The following CTNNA2 variants were observed in gnomAD, a reference collection of about 807,000 sequenced individuals.
The protein encoded by CTNNA2 is catenin alpha-2.
A neutral mutation model predicts 101.0 loss-of-function variants in CTNNA2; 42 were observed. The ratio of observed to expected loss-of-function variants is 0.42; its 90% CI spans 0.32 to 0.54. CTNNA2 has a LOEUF of 0.54. CTNNA2 is among the 20% of genes least tolerant of loss of function. The pLI, the probability that CTNNA2 is intolerant of heterozygous loss-of-function variation, is 0.14. For synonymous variants in CTNNA2, 450 were observed against 456.4 expected (o/e 0.99, Z 0.18); for missense variants, 871 against 1,223.1 (o/e 0.71, Z 4.29).
chr2:79,803,510 G>A (rs1676328658), intron 3 of CTNNA2, among the ~76,000 whole-genome samples: 1 of 152,260 alleles, frequency 6.6e-6, no homozygotes, highest in African/African-American at 2.4e-5. Context: ...GCAGGGACAC[G>A]CTCTTAAGGC....
In CTNNA2 at chr2:79,996,626, A is replaced by G. The variant is rs117037368; in HGVS notation, c.1056+86829A>G. ...TGTAGAGCACTTGAGCACTTATACAAAGGAGAGATTTTATTCACTTAGCCA... is the reference window on the plus strand; with the variant it reads ...TGTAGAGCACTTGAGCACTTATACAGAGGAGAGATTTTATTCACTTAGCCA... On this transcript the variant is annotated intron_variant, in intron 7 of 18. Transcript: ENST00000402739. Among the ~76,000 whole-genome samples, 210 of 152,288 alleles carry G rather than the reference A, an allele frequency of 1.4e-3. 2 individuals carry two copies. In the East Asian group the frequency reaches 0.038, roughly 28 times the overall value.
intron 4 of CTNNA2, among the ~76,000 whole-genome samples, chr2:79,413,964 T>C (rs1463541682): frequency 8.8e-5 from 9 of 101,736 alleles, no homozygotes; most frequent in East Asian, 3.4e-4. Flanking sequence ...TATATATATA[T>C]ATATATATAA....
In CTNNA2 at chr2:80,260,335, A is replaced by G. The variant is rs538471707; in HGVS notation, c.1057-132876A>G. 7.5e-4 allele frequency among the ~76,000 whole-genome samples: 115 copies of G among 152,334 alleles called. 1 individual carries two copies. Among genetic ancestry groups the G allele is most frequent in the African/African-American group, 2.6e-3 (109 of 41,578 alleles). ...GGGTCAGCTAAAGTGTATATTTTGT[A>G]GAAGTTGCTCATGGAGCCATGGCAC... On this transcript the variant is annotated intron_variant, in intron 7 of 18. Coordinates refer to ENST00000402739, the MANE Select transcript of CTNNA2 (RefSeq NM_001282597.3).
chr2:79,572,631 A>T (rs1227168120), intron 1 of CTNNA2, among the ~76,000 whole-genome samples: 3 of 152,200 alleles, frequency 2.0e-5, no homozygotes, highest in African/African-American at 4.8e-5. Context: ...CCACGCCTGT[A>T]GTCCCAGCTA....
chr2:80,232,588 G>A (rs923321200), intron 7 of CTNNA2, among the ~76,000 whole-genome samples: 1 of 151,936 alleles, frequency 6.6e-6, no homozygotes, highest in African/African-American at 2.4e-5. Context: ...TGGAATGTTG[G>A]ATGGATTGCA....
At chr2:80,470,967 G>A (rs1284097703) in intron 9 of CTNNA2, among the ~76,000 whole-genome samples, 1 of 152,158 alleles carries the variant, frequency 6.6e-6, no homozygotes, top group Non-Finnish European at 1.5e-5. Flanking sequence ...AGACTGGAGT[G>A]GAGGGGGGTT....
chr2:79,992,515 C>T (rs1035374532), intron 7 of CTNNA2, among the ~76,000 whole-genome samples: 1 of 151,998 alleles, frequency 6.6e-6, no homozygotes, highest in African/African-American at 2.4e-5. Context: ...GTATAACTTC[C>T]TTGTCTTAGT....
intron 7 of CTNNA2, among the ~76,000 whole-genome samples, chr2:80,244,961 G>T (rs1019946033): frequency 6.6e-6 from 1 of 152,258 alleles, no homozygotes; most frequent in Non-Finnish European, 1.5e-5. Context: ...CCAAAAACTA[G>T]TTTATGTGCA....
At chr2:80,420,666 C>T (rs1218383115) in intron 9 of CTNNA2, among the ~76,000 whole-genome samples, 3 of 151,650 alleles carry the variant, frequency 2.0e-5, no homozygotes, top group Non-Finnish European at 4.4e-5. Context: ...GGGTGGTGTT[C>T]GATTTAGTTG....
chr2:79,340,557 G>C (rs561719135), intron 3 of CTNNA2, among the ~76,000 whole-genome samples: 98 of 152,278 alleles, frequency 6.4e-4, no homozygotes, highest in African/African-American at 2.3e-3. Context: ...CATGAGGCCG[G>C]GCGTGGTGGC....
At chr2:79,238,525 T>C (rs1038761591) in intron 2 of CTNNA2, among the ~76,000 whole-genome samples, 4 of 152,196 alleles carry the variant, frequency 2.6e-5, no homozygotes, top group African/African-American at 9.7e-5. Flanking sequence ...TGATTCAGGA[T>C]TGCCATAAGC....
intron 2 of CTNNA2, among the ~76,000 whole-genome samples, chr2:79,658,312 C>A (rs1681765496): frequency 6.6e-6 from 1 of 151,838 alleles, no homozygotes; most frequent in Admixed American, 6.6e-5. Flanking sequence ...ATAATAATTT[C>A]TACATCATAA....
chr2:80,278,679 A>G (rs1325885521), intron 7 of CTNNA2, among the ~76,000 whole-genome samples: 1 of 152,076 alleles, frequency 6.6e-6, no homozygotes, highest in Non-Finnish European at 1.5e-5. Flanking sequence ...ATTAAAGGAG[A>G]GAGAAAGAAT....
In CTNNA2 at chr2:79,521,138, AT is replaced by A. The variant is rs1672090964; in HGVS notation, c.-6+7932del. ...TATATATATATATATATATATATAT[AT>A]ATATATATATATATATATATATATA... is the stretch of plus-strand genomic sequence containing the variant. On this transcript the variant is annotated intron_variant, in intron 1 of 18. Coordinates refer to ENST00000402739, the MANE Select transcript of CTNNA2 (RefSeq NM_001282597.3). Among the ~76,000 whole-genome samples, 9 of 24,296 alleles carry A rather than the reference AT, an allele frequency of 3.7e-4. 1 individual carries two copies. Among genetic ancestry groups the A allele is most frequent in the African/African-American group, 1.5e-3 (9 of 5,860 alleles). The allele number at this position is 24,296 out of a possible 152,430, so 15.9% of individuals were successfully genotyped here. A position where few individuals can be genotyped will look rare whatever the true frequency, so the allele number is the denominator to read the frequency against.
intron 7 of CTNNA2, among the ~76,000 whole-genome samples, chr2:80,100,892 AT>A (rs373462351): frequency 1.3e-5 from 2 of 152,292 alleles, no homozygotes; most frequent in African/African-American, 4.8e-5. Context: ...AGCAAAGATC[AT>A]TTTTCCCTCT....
intron 9 of CTNNA2, among the ~76,000 whole-genome samples, chr2:80,506,122 C>T (rs1688257647): frequency 6.6e-6 from 1 of 152,192 alleles, no homozygotes. Flanking sequence ...AGTGCATGAG[C>T]TATTTTCTGA....
intron 4 of CTNNA2, among the ~76,000 whole-genome samples, chr2:79,462,598 A>G (rs756167360): frequency 8.5e-5 from 13 of 152,242 alleles, no homozygotes; most frequent in Non-Finnish European, 1.8e-4. Flanking sequence ...AGTATAGGAA[A>G]TGTGTCTGTT....
intron 7 of CTNNA2, among the ~76,000 whole-genome samples, chr2:80,070,221 A>T (rs1698240111): frequency 6.6e-6 from 1 of 152,166 alleles, no homozygotes; most frequent in Admixed American, 6.5e-5. Context: ...TTTCCTGAAA[A>T]GGTAGTTTTG....
At chr2:79,951,023 C>T (rs1042133545) in intron 7 of CTNNA2, among the ~76,000 whole-genome samples, 1 of 152,200 alleles carries the variant, frequency 6.6e-6, no homozygotes, top group Admixed American at 6.5e-5. Flanking sequence ...TTCAGCCCCT[C>T]TGTCCTTAAA....
Sources: allele counts gnomAD v4.1 joint callset (sites outside exome capture counted in the v4.1 genomes callset), GRCh38; gene constraint gnomAD v4.1.1; transcripts MANE v1.5; gene names NCBI Gene and HGNC (gene_info 2026-07-23, HGNC 2026-07-21).